Variants in HHIPL2 observed in about 807,000 individuals in gnomAD.
The protein encoded by HHIPL2 is HHIP like 2, also known as HHIP-like protein 2.
A neutral mutation model predicts 61.0 loss-of-function variants in HHIPL2; 61 were observed. That is an observed-to-expected ratio of 1.00 (90% CI 0.81 to 1.24). HHIPL2 has a LOEUF of 1.24. HHIPL2 is among the 50% of genes most tolerant of loss of function. The pLI, the probability that HHIPL2 is intolerant of heterozygous loss-of-function variation, is 0.00. For synonymous variants in HHIPL2, 343 were observed against 357.4 expected, an observed-to-expected ratio of 0.96 and a Z score of 0.45; for missense variants, 885 against 910.2, an observed-to-expected ratio of 0.97 and a Z score of 0.36.
At chr1:222,535,095 T>C (rs1558129061) in intron 5 of HHIPL2, among the ~76,000 whole-genome samples, 1 of 152,162 alleles carries the variant, frequency 6.6e-6, no homozygotes, top group Non-Finnish European at 1.5e-5. Context: ...AAAAAAATGA[T>C]ATATTACATA....
intron 6 of HHIPL2, 90 bp downstream of exon 6, chr1:222,531,876 T>C (rs2102613607): frequency 1.7e-6 from 2 of 1,174,766 alleles, no homozygotes; most frequent in Middle Eastern, 2.0e-4. Context: ...GTAGAAGTGA[T>C]AATTACTATT....
At chr1:222,528,661 C>G (rs529714994) in intron 6 of HHIPL2, among the ~76,000 whole-genome samples, 7 of 152,220 alleles carry the variant, frequency 4.6e-5, no homozygotes, top group African/African-American at 1.7e-4. Flanking sequence ...ACTTTCTTAT[C>G]TGTCTGACCC....
At chr1:222,522,992 A>C (rs540061112) in intron 8 of HHIPL2, 105 bp from the exon 9 acceptor site, 2 of 912,832 alleles carry the variant, frequency 2.2e-6, no homozygotes, top group South Asian at 2.1e-5. Context: ...TATTCTTATT[A>C]ATACTTTTAA....
intron 8 of HHIPL2, 148 bp downstream of exon 8, chr1:222,523,464 C>A: frequency 1.5e-6 from 1 of 677,708 alleles, no homozygotes; most frequent in South Asian, 1.8e-5. Flanking sequence ...ACACTCATAA[C>A]TCCTCTGTTA....
In HHIPL2 at chr1:222,522,498, C is replaced by T. The variant is rs1292850351; in HGVS notation, c.*103G>A. ...GAAAACCGCCCTGCCCCACCTCTACCCTGGCTTCCCAGACTTCTAAGGTCT... is the reference window on the plus strand; with the variant it reads ...GAAAACCGCCCTGCCCCACCTCTACTCTGGCTTCCCAGACTTCTAAGGTCT... On this transcript the variant is annotated 3_prime_UTR_variant, in exon 9 of 9. Coordinates refer to ENST00000343410, the MANE Select transcript of HHIPL2 (RefSeq NM_024746.4). The T allele has an allele frequency of 1.5e-5, 20 of 1,304,042 alleles. No individual in the cohort carries two copies. The Admixed American group carries it at 4.3e-4, about 28-fold the overall frequency. The allele number at this position is 1,304,042 out of a possible 1,614,324, so 80.8% of individuals were successfully genotyped here.
At chr1:222,523,960 A>G (rs1659009034) in intron 7 of HHIPL2, 2 of 461,682 alleles carry the variant, frequency 4.3e-6, no homozygotes, top group South Asian at 2.7e-5. Context: ...ACGGGTTCAC[A>G]TCCTGGTAAC....
At chr1:222,542,528 C>CT (rs772394115) in intron 2 of HHIPL2, among the ~76,000 whole-genome samples, 6,814 of 96,980 alleles carry the variant, frequency 0.07, 553 homozygotes, top group African/African-American at 0.13. Flanking sequence ...CCACATCTGG[C>CT]TTTTTTTTTT....
intron 5 of HHIPL2, among the ~76,000 whole-genome samples, chr1:222,537,506 CTG>C (rs1659325827): frequency 6.6e-6 from 1 of 151,338 alleles, no homozygotes; most frequent in Admixed American, 6.6e-5. Context: ...TGGCAGGCGC[CTG>C]TAGTCCCAGC....
chr1:222,543,573 C>A lies in HHIPL2; in HGVS notation c.938G>T (p.Arg313Leu). The A allele has an allele frequency of 6.2e-7, 1 of 1,613,860 alleles. No individual in the cohort carries two copies. Among genetic ancestry groups the A allele is most frequent in the Non-Finnish European group, 8.5e-7 (1 of 1,179,830 alleles). The change falls in exon 2 of 9, where the codon CGG (arginine) becomes CTG (leucine). Residue 313 changes from arginine to leucine, a missense_variant. Physicochemically the swap from Arg to Leu is moderately radical, Grantham distance 102 (BLOSUM62 -2). Transcript: ENST00000343410. ...KIRISEMKVS[R>L]ADPNKADLKS... ...CAGGTCAGCTTTGTTAGGATCAGCC[C>A]GAGAAACCTTCATCTCACTAATTCG...
At position 222,543,881 on chromosome 1, in the gene HHIPL2, G is replaced by A. The variant is rs918408383; in HGVS notation, c.630C>T (p.Ser210=). 3.1e-6 allele frequency: 5 copies of A among 1,614,054 alleles called. No homozygotes were observed. Among genetic ancestry groups the A allele is most frequent in the East Asian group, 4.5e-5 (2 of 44,880 alleles). The change falls in exon 2 of 9, where the codon AGC becomes AGT. Residue 210 remains serine (S), a synonymous_variant. Transcript: ENST00000343410. Reference sequence around the variant, plus strand: ...GGTTCCTCAGCCCGTTGGCCACCTCGCTCAGGCAGAGCTGCAGGCAGCCCT... The same window carrying A: ...GGTTCCTCAGCCCGTTGGCCACCTCACTCAGGCAGAGCTGCAGGCAGCCCT... ...DPQGCLQLCL[S]EVANGLRNPV... is the part of the protein sequence containing the mutation.
chr1:222,536,183 G>A (rs1180928960), intron 5 of HHIPL2, among the ~76,000 whole-genome samples: 5 of 151,218 alleles, frequency 3.3e-5, no homozygotes, highest in African/African-American at 1.2e-4. Context: ...AAAATAACAG[G>A]AAAAAAATCA....
At chr1:222,542,261 G>T in intron 2 of HHIPL2, 106 bp from the exon 3 acceptor site, 1 of 1,344,512 alleles carries the variant, frequency 7.4e-7, no homozygotes, top group Non-Finnish European at 1.0e-6. Context: ...GATTTGCCAA[G>T]CCAGCCAAGA....
At chr1:222,536,235 G>C (rs1659299735) in intron 5 of HHIPL2, among the ~76,000 whole-genome samples, 1 of 151,730 alleles carries the variant, frequency 6.6e-6, no homozygotes, top group African/African-American at 2.4e-5. Context: ...CAATAAAATG[G>C]ATAAACCTCT....
At chr1:222,537,936 A>G (rs1659336742) in intron 5 of HHIPL2, among the ~76,000 whole-genome samples, 3 of 152,248 alleles carry the variant, frequency 2.0e-5, no homozygotes, top group African/African-American at 7.2e-5. Context: ...AATATTTCAT[A>G]ACTGGGAATA....
chr1:222,543,685 C>T lies in HHIPL2; in HGVS notation c.826G>A (p.Gly276Arg), dbSNP rs117940365. The T allele has an allele frequency of 3.3e-4, 527 of 1,614,108 alleles. 3 individuals carry two copies. In the East Asian group the frequency reaches 0.011, roughly 35 times the overall value. The change falls in exon 2 of 9, where the codon GGG (glycine) becomes AGG (arginine). Residue 276 changes from glycine to arginine, a missense_variant. By Grantham distance (125) the Gly-to-Arg change is moderately radical. Coordinates refer to ENST00000343410, the MANE Select transcript of HHIPL2 (RefSeq NM_024746.4). ...CGGAATTTGGGGTGAAAAGCCAACC[C>T]CAAGAAGCCTCTCTCATCCCCGATC... The part of the protein sequence containing the change: ...PWIGDERGFL[G>R]LAFHPKFRHN...
At chr1:222,533,004 C>G (rs1659224975) in intron 5 of HHIPL2, among the ~76,000 whole-genome samples, 1 of 152,174 alleles carries the variant, frequency 6.6e-6, no homozygotes, top group South Asian at 2.1e-4. Context: ...TCAGAATCAC[C>G]TGGAAAGTTT....
chr1:222,537,941 G>A (rs1659336918), intron 5 of HHIPL2, among the ~76,000 whole-genome samples: 1 of 151,988 alleles, frequency 6.6e-6, no homozygotes, highest in Non-Finnish European at 1.5e-5. Context: ...TTCATAACTG[G>A]GAATAGCCAA....
intron 1 of HHIPL2, among the ~76,000 whole-genome samples, chr1:222,544,655 A>G (rs1167806810): frequency 2.0e-5 from 3 of 152,188 alleles, no homozygotes; most frequent in Non-Finnish European, 4.4e-5. Flanking sequence ...ATGAGCCACC[A>G]TGTCGGCCCA....
chr1:222,547,673 C>T, intron 1 of HHIPL2, 51 bp downstream of exon 1: 1 of 1,512,518 alleles, frequency 6.6e-7, no homozygotes, highest in Non-Finnish European at 9.1e-7. Context: ...AGGACCCACA[C>T]CATGCAGCCC....
Sources: allele counts gnomAD v4.1 joint callset (sites outside exome capture counted in the v4.1 genomes callset), GRCh38; gene constraint gnomAD v4.1.1; transcripts MANE v1.5; gene names NCBI Gene and HGNC (gene_info 2026-07-23, HGNC 2026-07-21).